The following NAV3 variants were observed in gnomAD, a reference collection of about 807,000 sequenced individuals.
NAV3 encodes neuron navigator 3.
NAV3 carries 87 observed loss-of-function variants against 244.7 expected under a neutral mutation model. That is an observed-to-expected ratio of 0.36 (90% CI 0.30 to 0.42). The LOEUF (loss-of-function observed/expected upper bound fraction) is 0.42. NAV3 is among the 20% of genes least tolerant of loss of function. NAV3 has a pLI of 1.00. For synonymous variants in NAV3, 1,126 were observed against 1,042.2 expected (o/e 1.08, Z -1.55); for missense variants, 2,663 against 2,893.3 (o/e 0.92, Z 1.83).
At chr12:77,668,684 G>A (rs1873829588) in intron 2 of NAV3, among the ~76,000 whole-genome samples, 1 of 152,156 alleles carries the variant, frequency 6.6e-6, no homozygotes, top group Non-Finnish European at 1.5e-5. Flanking sequence ...TGGTGTTCTT[G>A]AAGAAAAAGA....
In NAV3 at chr12:77,849,778, T is replaced by G. The variant is rs528561586; in HGVS notation, c.243+18074T>G. On this transcript the variant is annotated intron_variant, in intron 1 of 39. Transcript: ENST00000397909. ...ATCCAAAGTCCAAACCTTAATAATT[T>G]TGGCCTTAGCAGAGTATACTAAGTC... 3.9e-5 allele frequency among the ~76,000 whole-genome samples: 6 copies of G among 152,270 alleles called. 1 individual carries two copies. The South Asian group carries it at 1.2e-3, about 32-fold the overall frequency.
chr12:77,603,869 T>C lies in NAV3; in HGVS notation c.72+31603T>C, dbSNP rs544404472. 2.0e-5 allele frequency among the ~76,000 whole-genome samples: 3 copies of C among 152,192 alleles called. No homozygotes were observed. In the South Asian group the frequency reaches 6.2e-4, roughly 31 times the overall value. Reference sequence around the variant, plus strand: ...ATGCTTAAGTTATAGGAGGGAGATATGTAATGACGAAGTCCTCATACAAAA... The same window carrying C: ...ATGCTTAAGTTATAGGAGGGAGATACGTAATGACGAAGTCCTCATACAAAA... On this transcript the variant is annotated intron_variant, in intron 2 of 8. Transcript: ENST00000550042.
chr12:78,180,951 G>C lies in NAV3; in HGVS notation c.5598G>C (p.Pro1866=), dbSNP rs200326115. The C allele has an allele frequency of 6.2e-7, 1 of 1,613,212 alleles. No homozygotes were observed. The highest frequency in any genetic ancestry group is 8.5e-7 in the Non-Finnish European group (1 of 1,179,490). The change falls in exon 30 of 40, where the codon CCG becomes CCC. Residue 1866 remains proline, a synonymous_variant. Coordinates refer to ENST00000397909, the MANE Select transcript of NAV3 (RefSeq NM_001024383.2). ...TGNTAKPTRP[P]SESSSSTSSS... ...ACACAGCTAAGCCTACTCGGCCACC[G>C]TCAGAATCCTCAAGCAGCACCTCCT...
At chr12:78,204,606 C>A (rs1406786693) in intron 38 of NAV3, among the ~76,000 whole-genome samples, 1 of 151,926 alleles carries the variant, frequency 6.6e-6, no homozygotes, top group Non-Finnish European at 1.5e-5. Context: ...TATTTTTCAA[C>A]CTTTAGTTTT....
At position 78,006,870 on chromosome 12, in the gene NAV3, T is replaced by G. The variant is rs777476104; in HGVS notation, c.1332T>G (p.Pro444=). The change falls in exon 8 of 40, where the codon CCT becomes CCG. Residue 444 remains proline (P), a synonymous_variant. Coordinates refer to ENST00000397909, the MANE Select transcript of NAV3 (RefSeq NM_001024383.2). ...GSTNSSPKVS[P]KLAPPKAGSK... ...CAAATAGCAGTCCCAAAGTGTCACC[T>G]AAGTTGGCCCCTCCAAAAGCTGGAA... is the stretch of plus-strand genomic sequence containing the variant. 147 of 1,613,986 alleles carry G rather than the reference T, an allele frequency of 9.1e-5. No individual in the cohort carries two copies. The Admixed American group carries it at 2.4e-3, about 26-fold the overall frequency.
Position 77,767,641 on chromosome 12 carries a change from C to G in NAV3, c.73-172678C>G, listed in dbSNP as rs150168147. Among the ~76,000 whole-genome samples the G allele has an allele frequency of 3.4e-3, 520 of 152,332 alleles. 4 individuals carry two copies. The highest frequency in any genetic ancestry group is 0.012 in the African/African-American group (492 of 41,580). On this transcript the variant is annotated intron_variant, in intron 2 of 8. Transcript: ENST00000550042. ...ACACCGGCTCCATGTAAGCCTGCAG[C>G]TAAATCACATGCATGACAAGTGGCT...
intron 11 of NAV3, among the ~76,000 whole-genome samples, chr12:78,052,894 C>T (rs1195889297): frequency 1.3e-5 from 2 of 151,698 alleles, no homozygotes; most frequent in South Asian, 2.1e-4. Context: ...TAATTATATA[C>T]ATAAGTATAC....
intron 9 of NAV3, among the ~76,000 whole-genome samples, chr12:78,033,015 T>C (rs1879257649): frequency 6.6e-6 from 1 of 152,184 alleles, no homozygotes; most frequent in Non-Finnish European, 1.5e-5. Flanking sequence ...TGTTCATAGG[T>C]GCTGGACTGG....
At chr12:78,152,263 T>G (rs1440698871) in intron 22 of NAV3, among the ~76,000 whole-genome samples, 1 of 151,458 alleles carries the variant, frequency 6.6e-6, no homozygotes, top group Non-Finnish European at 1.5e-5. Flanking sequence ...TAAAAAAAAG[T>G]TTATTAAAAT....
chr12:77,961,392 T>C lies in NAV3; in HGVS notation c.415-4837T>C, dbSNP rs1002041020. On this transcript the variant is annotated intron_variant, in intron 3 of 39. Coordinates refer to ENST00000397909, the MANE Select transcript of NAV3 (RefSeq NM_001024383.2). ...AATAAATATATTAATATAAATACAT[T>C]ATATATTTAGTATAAATGTTTACTA... Among the ~76,000 whole-genome samples the C allele has an allele frequency of 3.6e-5, 5 of 137,144 alleles. No homozygotes were observed. In the Admixed American group the frequency reaches 3.9e-4, roughly 11 times the overall value. 90.0% of individuals were successfully genotyped at this position (137,144 alleles called of 152,430 possible). A position where few individuals can be genotyped will look rare whatever the true frequency, so the allele number is the denominator to read the frequency against.
chr12:78,108,007 C>A (rs539888339), intron 12 of NAV3, among the ~76,000 whole-genome samples: 2 of 152,176 alleles, frequency 1.3e-5, no homozygotes, highest in East Asian at 3.9e-4. Context: ...TCCACCTAAA[C>A]GTTATGAAAT....
intron 12 of NAV3, among the ~76,000 whole-genome samples, chr12:78,072,105 C>A (rs1449911718): frequency 6.6e-6 from 1 of 151,648 alleles, no homozygotes; most frequent in Non-Finnish European, 1.5e-5. Context: ...AATTGACACC[C>A]TAACATCACA....
At chr12:78,045,522 T>C (rs1881636590) in intron 9 of NAV3, among the ~76,000 whole-genome samples, 1 of 152,158 alleles carries the variant, frequency 6.6e-6, no homozygotes, top group Admixed American at 6.5e-5. Context: ...CTCAAACTCC[T>C]GACCTCGTGA....
intron 2 of NAV3, among the ~76,000 whole-genome samples, chr12:77,592,550 T>C (rs1869954623): frequency 6.6e-6 from 1 of 152,172 alleles, no homozygotes; most frequent in South Asian, 2.1e-4. Flanking sequence ...CTTTTTATAA[T>C]ATTGTAAAGC....
At chr12:78,061,388 A>G (rs774915624) in intron 12 of NAV3, among the ~76,000 whole-genome samples, 1 of 152,198 alleles carries the variant, frequency 6.6e-6, no homozygotes, top group African/African-American at 2.4e-5. Flanking sequence ...GATGGCACTA[A>G]TTTTTAAATT....
chr12:78,095,075 A>ATATATATATATATATG (rs1566123706), intron 12 of NAV3, among the ~76,000 whole-genome samples: 1,576 of 146,192 alleles, frequency 0.011, 32 homozygotes, highest in Non-Finnish European at 0.016. Context: ...ACACACACAC[A>ATATATATATATATATG]CACACACACA....
At chr12:77,926,701 G>T (rs958158411) in intron 1 of NAV3, among the ~76,000 whole-genome samples, 5 of 152,044 alleles carry the variant, frequency 3.3e-5, no homozygotes, top group Non-Finnish European at 7.4e-5. Context: ...CATTTGTTGG[G>T]CCCCACTACC....
chr12:77,754,179 A>G (rs1386943318), intron 2 of NAV3, among the ~76,000 whole-genome samples: 1 of 152,112 alleles, frequency 6.6e-6, no homozygotes. Flanking sequence ...CAGCTCATCC[A>G]TTTAGAGCTC....
chr12:77,578,120 A>G (rs1019872114), intron 2 of NAV3, among the ~76,000 whole-genome samples: 8 of 152,218 alleles, frequency 5.3e-5, no homozygotes, highest in African/African-American at 1.9e-4. Context: ...CCTATTTTGC[A>G]TATAATTTTT....
Sources: gnomAD v4.1 joint callset for allele counts (sites outside exome capture counted in the v4.1 genomes callset) on GRCh38, gnomAD v4.1.1 for gene constraint, MANE v1.5 for transcripts, NCBI Gene and HGNC (gene_info 2026-07-23, HGNC 2026-07-21) for gene names.